Variants in ARHGAP44 observed in about 807,000 individuals in gnomAD.
ARHGAP44 encodes rho GTPase-activating protein 44.
ARHGAP44 carries 43 observed loss-of-function variants against 106.8 expected under a neutral mutation model. That is an observed-to-expected ratio of 0.40 (90% confidence interval 0.32 to 0.52). The LOEUF (loss-of-function observed/expected upper bound fraction) is 0.52, where lower values mean the gene tolerates loss of function less well. Among genes scored for constraint, ARHGAP44 ranks in the 20% least tolerant of loss-of-function variants. The probability of loss-of-function intolerance (pLI) is 0.48; values close to 1 mark genes in which losing one functional copy is unlikely to be tolerated. For synonymous variants in ARHGAP44, 439 were observed against 410.3 expected (o/e 1.07, Z -0.85); for missense variants, 866 against 1,050.5 (o/e 0.82, Z 2.43).
chr17:12,901,599 G>C (rs16946794), intron 3 of ARHGAP44, among the ~76,000 whole-genome samples: 1 of 151,980 alleles, frequency 6.6e-6, no homozygotes, highest in Non-Finnish European at 1.5e-5. Flanking sequence ...GGATGTGGGC[G>C]TATGAAGAAG....
At chr17:12,851,692 C>T (rs2035747124) in intron 1 of ARHGAP44, among the ~76,000 whole-genome samples, 1 of 152,138 alleles carries the variant, frequency 6.6e-6, no homozygotes, top group Non-Finnish European at 1.5e-5. Context: ...GCCTCGGCCT[C>T]CCAAAGTGCT....
At chr17:12,797,049 T>C (rs2033945852) in intron 1 of ARHGAP44, among the ~76,000 whole-genome samples, 2 of 152,200 alleles carry the variant, frequency 1.3e-5, no homozygotes, top group Admixed American at 6.5e-5. Flanking sequence ...ATTAAGCATA[T>C]GTATGCTTTG....
chr17:12,857,435 G>A (rs2035943982), intron 1 of ARHGAP44, among the ~76,000 whole-genome samples: 1 of 152,168 alleles, frequency 6.6e-6, no homozygotes, highest in South Asian at 2.1e-4. Context: ...AAGAGAGCAA[G>A]AGTGTGCATG....
chr17:12,974,611 T>G (rs2039627316), intron 18 of ARHGAP44, among the ~76,000 whole-genome samples: 1 of 152,074 alleles, frequency 6.6e-6, no homozygotes, highest in African/African-American at 2.4e-5. Flanking sequence ...TCCTCTGTCT[T>G]TGTCGTTACA....
chr17:12,981,243 C>A (rs768937979), intron 19 of ARHGAP44, among the ~76,000 whole-genome samples: 1 of 152,128 alleles, frequency 6.6e-6, no homozygotes, highest in Admixed American at 6.5e-5. Context: ...CATGCTTTCT[C>A]GACTCAGGAG....
At chr17:12,959,627 C>A (rs535825978) in intron 16 of ARHGAP44, among the ~76,000 whole-genome samples, 33 of 152,290 alleles carry the variant, frequency 2.2e-4, no homozygotes, top group Admixed American at 9.8e-4. Context: ...GCCATGGCAA[C>A]CAGAGGACGT....
intron 1 of ARHGAP44, among the ~76,000 whole-genome samples, chr17:12,796,806 C>T (rs1416362421): frequency 3.3e-5 from 5 of 151,394 alleles, no homozygotes; most frequent in Admixed American, 6.6e-5. Context: ...AGGGTTTCAC[C>T]GTGTTAGCCA....
At chr17:12,886,802 A>C (rs1316099869) in intron 1 of ARHGAP44, among the ~76,000 whole-genome samples, 1 of 152,052 alleles carries the variant, frequency 6.6e-6, no homozygotes, top group Non-Finnish European at 1.5e-5. Context: ...TATTACACTA[A>C]CTTAAACTTC....
intron 1 of ARHGAP44, among the ~76,000 whole-genome samples, chr17:12,873,420 A>G (rs7221294): frequency 0.26 from 38,856 of 152,190 alleles, 5,203 homozygotes; most frequent in Middle Eastern, 0.31. Context: ...TTAGTGTTAT[A>G]TGAAGAGCTT....
intron 1 of ARHGAP44, among the ~76,000 whole-genome samples, chr17:12,802,502 A>AC (rs2034123668): frequency 6.6e-6 from 1 of 152,138 alleles, no homozygotes; most frequent in Non-Finnish European, 1.5e-5. Context: ...TCACTTGGAA[A>AC]CAGGGGGAGA....
At chr17:12,790,129 G>C in intron 1 of ARHGAP44, 1 of 486,756 alleles carries the variant, frequency 2.1e-6, no homozygotes, top group Non-Finnish European at 3.6e-6. Context: ...CGCAAAGTGT[G>C]ACGCATCCTT....
intron 1 of ARHGAP44, among the ~76,000 whole-genome samples, chr17:12,850,468 G>A (rs1473404542): frequency 6.6e-6 from 1 of 151,990 alleles, no homozygotes; most frequent in Non-Finnish European, 1.5e-5. Flanking sequence ...CCAAGACTGG[G>A]TAGTCCCTGA....
chr17:12,989,967 TACA>T lies in ARHGAP44; in HGVS notation c.2318-62_2318-60del, dbSNP rs1200209908. ...CCTCCTAAGGCTGACATTATTTGCCTACAACTAGGTTCTCATTTGCCGGGAAGC... is the reference window on the plus strand; with the variant it reads ...CCTCCTAAGGCTGACATTATTTGCCTACTAGGTTCTCATTTGCCGGGAAGC... On this transcript the variant is annotated intron_variant, in intron 20 of 20. Coordinates refer to ENST00000379672, the MANE Select transcript of ARHGAP44 (RefSeq NM_014859.6). 3.8e-6 allele frequency: 6 copies of T among 1,577,990 alleles called. No homozygotes were observed. In the Admixed American group the frequency reaches 1.0e-4, roughly 27 times the overall value.
intron 3 of ARHGAP44, among the ~76,000 whole-genome samples, chr17:12,905,539 G>A (rs1000151425): frequency 2.6e-5 from 4 of 152,174 alleles, no homozygotes; most frequent in Admixed American, 6.5e-5. Context: ...GTCTTGTCCT[G>A]TTGATCTTGA....
chr17:12,887,664 G>A (rs2036921760), intron 1 of ARHGAP44, among the ~76,000 whole-genome samples: 1 of 152,106 alleles, frequency 6.6e-6, no homozygotes. Flanking sequence ...GAATTGAGAA[G>A]CGTTCCTTCT....
rs192504724 is a variant in ARHGAP44, at chr17:12,964,538, C to T, written c.1523+5641C>T. Among the ~76,000 whole-genome samples the T allele has an allele frequency of 3.7e-3, 563 of 152,180 alleles. 2 individuals are homozygous for T. The highest frequency in any genetic ancestry group is 0.016 in the South Asian group (78 of 4,816). ...GCTCACACCTGTAATCCCTGCACTT[C>T]GGGAGGCCAAGGTGGGCGGATCACT... On this transcript the variant is annotated intron_variant, in intron 16 of 20. Coordinates refer to ENST00000379672, the MANE Select transcript of ARHGAP44 (RefSeq NM_014859.6).
chr17:12,974,290 G>A lies in ARHGAP44; in HGVS notation c.1743G>A (p.Gln581=). The part of the protein sequence containing the change: ...PALSPSGLGL[Q]PGPERTSTTK... ...TCTCTCCATCCGGCCTGGGCCTCCAGCCTGGGCCCGAGCGCACCAGGTAAG... is the reference window on the plus strand; with the variant it reads ...TCTCTCCATCCGGCCTGGGCCTCCAACCTGGGCCCGAGCGCACCAGGTAAG... The change falls in exon 18 of 21, where the codon CAG becomes CAA. Residue 581 remains glutamine, a synonymous_variant. Transcript: ENST00000379672. 2 of 1,449,000 alleles carry A rather than the reference G, an allele frequency of 1.4e-6. No homozygotes were observed. Among genetic ancestry groups the A allele is most frequent in the Non-Finnish European group, 1.8e-6 (2 of 1,107,790 alleles). The allele number at this position is 1,449,000 out of a possible 1,614,324, so 89.8% of individuals were successfully genotyped here.
chr17:12,957,710 T>TGA (rs2039164775), intron 15 of ARHGAP44, among the ~76,000 whole-genome samples: 1 of 152,170 alleles, frequency 6.6e-6, no homozygotes, highest in Admixed American at 6.5e-5. Flanking sequence ...CTCTCAATGG[T>TGA]GACAGCTTTG....
At chr17:12,886,555 G>T (rs1016824258) in intron 1 of ARHGAP44, among the ~76,000 whole-genome samples, 19 of 151,524 alleles carry the variant, frequency 1.3e-4, no homozygotes, top group African/African-American at 4.6e-4. Context: ...ACACCTAAGT[G>T]TTTTTTTAAG....
Sources: gnomAD v4.1 joint callset for allele counts (sites outside exome capture counted in the v4.1 genomes callset) on GRCh38, gnomAD v4.1.1 for gene constraint, MANE v1.5 for transcripts, NCBI Gene and HGNC (gene_info 2026-07-23, HGNC 2026-07-21) for gene names.